Variants in NRG4 observed in about 807,000 individuals in gnomAD.
The protein encoded by NRG4 is pro-neuregulin-4, membrane-bound isoform.
NRG4 carries 10 observed loss-of-function variants against 15.0 expected under a neutral mutation model. That is an observed-to-expected ratio of 0.67 (90% confidence interval 0.41 to 1.13). The LOEUF (loss-of-function observed/expected upper bound fraction) is 1.13, where lower values mean the gene tolerates loss of function less well. Ranked by LOEUF, NRG4 falls within the 50% of genes most tolerant of loss-of-function variation. NRG4 has a pLI of 0.00. For missense variants in NRG4, 139 were observed against 140.2 expected (o/e 0.99, Z 0.04); for synonymous variants, 41 against 50.1 (o/e 0.82, Z 0.77).
intron 2 of NRG4, among the ~76,000 whole-genome samples, chr15:76,054,687 T>C (rs1453918259): frequency 6.6e-6 from 1 of 152,170 alleles, no homozygotes; most frequent in Non-Finnish European, 1.5e-5. Flanking sequence ...TCTTCCTCTA[T>C]GTGATAAAAT....
chr15:76,000,597 A>C (rs1322637796), intron 3 of NRG4, among the ~76,000 whole-genome samples: 1 of 152,244 alleles, frequency 6.6e-6, no homozygotes, highest in African/African-American at 2.4e-5. Context: ...TATGGATAGC[A>C]ATTTGGCAAC....
At chr15:76,054,518 G>A (rs1596068877) in intron 2 of NRG4, among the ~76,000 whole-genome samples, 1 of 152,066 alleles carries the variant, frequency 6.6e-6, no homozygotes, top group Admixed American at 6.6e-5. Flanking sequence ...CGGTTCAAGC[G>A]ATTCTCTGGC....
intron 5 of NRG4, among the ~76,000 whole-genome samples, chr15:76,033,114 C>T (rs1004991117): frequency 1.2e-4 from 19 of 152,134 alleles, no homozygotes; most frequent in Admixed American, 9.8e-4. Context: ...CATTCTACTC[C>T]TAAAAGTAAA....
rs1313891414 is a variant in NRG4, at chr15:75,941,886, A to G, written c.*1752T>C. On this transcript the variant is annotated 3_prime_UTR_variant, in exon 6 of 6. Coordinates refer to ENST00000394907, the MANE Select transcript of NRG4 (RefSeq NM_138573.4). ...AATGCCTTTAAACTGTAACTTCAAA[A>G]TGGTTAAAATTTAAATCTTACGTAC... The G allele has an allele frequency of 6.9e-6, 1 of 145,792 alleles. No individual in the cohort carries two copies. Among genetic ancestry groups the G allele is most frequent in the Non-Finnish European group, 1.5e-5 (1 of 67,020 alleles). 9.0% of individuals were successfully genotyped at this position (145,792 alleles called of 1,614,324 possible).
chr15:75,943,914 G>A (rs1039051620), intron 5 of NRG4, among the ~76,000 whole-genome samples: 3 of 139,164 alleles, frequency 2.2e-5, no homozygotes, highest in South Asian at 4.6e-4. Flanking sequence ...CACACCCCCC[G>A]CCCCTCACTG....
intron 3 of NRG4, among the ~76,000 whole-genome samples, chr15:75,992,875 A>G (rs1163557351): frequency 1.3e-5 from 2 of 151,848 alleles, no homozygotes; most frequent in African/African-American, 4.8e-5. Context: ...CATTGTGTAT[A>G]TATACTACAT....
chr15:75,944,620 T>A (rs2031346042), intron 5 of NRG4, among the ~76,000 whole-genome samples: 1 of 152,220 alleles, frequency 6.6e-6, no homozygotes, highest in Non-Finnish European at 1.5e-5. Context: ...AAAAATATAA[T>A]GTACCTTTAT....
chr15:76,059,021 G>A (rs766248970), intron 1 of NRG4, among the ~76,000 whole-genome samples: 2 of 152,066 alleles, frequency 1.3e-5, no homozygotes, highest in Non-Finnish European at 2.9e-5. Context: ...CTTCTCCACC[G>A]GGGCGATGCT....
chr15:75,958,233 C>G (rs917451183), intron 4 of NRG4, among the ~76,000 whole-genome samples: 1 of 152,024 alleles, frequency 6.6e-6, no homozygotes, highest in African/African-American at 2.4e-5. Context: ...AGGATGGTCT[C>G]GATCTCCTGA....
chr15:76,001,078 T>C (rs1291528845), intron 3 of NRG4, among the ~76,000 whole-genome samples: 1 of 152,174 alleles, frequency 6.6e-6, no homozygotes, highest in Non-Finnish European at 1.5e-5. Context: ...ACTGAAGTCC[T>C]GGACTCAAGC....
In NRG4 at chr15:75,944,796, T is replaced by C. The variant is rs966994614; in HGVS notation, c.332-1142A>G. Among the ~76,000 whole-genome samples, 7 of 152,216 alleles carry C rather than the reference T, an allele frequency of 4.6e-5. No homozygotes were observed. The South Asian group carries it at 1.0e-3, about 23-fold the overall frequency. ...GGGGGTGGTTATTTGCTTATAGTTATGGTGTTGCAGTTATTGACTGAGATT... is the reference window on the plus strand; with the variant it reads ...GGGGGTGGTTATTTGCTTATAGTTACGGTGTTGCAGTTATTGACTGAGATT... On this transcript the variant is annotated intron_variant, in intron 5 of 5. Transcript: ENST00000394907.
chr15:75,984,905 T>C (rs1255087235), intron 3 of NRG4, among the ~76,000 whole-genome samples: 1 of 152,206 alleles, frequency 6.6e-6, no homozygotes, highest in Non-Finnish European at 1.5e-5. Context: ...AATGCAGTGA[T>C]GCAATCTCAG....
In NRG4 at chr15:75,954,251, GTTTTTGTT is replaced by G. The variant is rs902870604; in HGVS notation, c.331+1673_331+1680del. The stretch of plus-strand genomic sequence containing the variant: ...TGTAATCTGCTGTTAATACCATCCA[GTTTTTGTT>G]TTTTTGTTTTTTTTTTTTTGATCTC... On this transcript the variant is annotated intron_variant, in intron 5 of 5. Coordinates refer to ENST00000394907, the MANE Select transcript of NRG4 (RefSeq NM_138573.4). Among the ~76,000 whole-genome samples, 196 of 146,532 alleles carry G rather than the reference GTTTTTGTT, an allele frequency of 1.3e-3. 1 individual carries two copies. The highest frequency in any genetic ancestry group is 6.1e-4 in the Non-Finnish European group (41 of 66,858).
At chr15:75,972,978 A>C (rs1595973346) in intron 3 of NRG4, among the ~76,000 whole-genome samples, 2 of 152,070 alleles carry the variant, frequency 1.3e-5, no homozygotes, top group South Asian at 4.1e-4. Flanking sequence ...GCCATTTTCA[A>C]GATATTGATT....
chr15:76,025,440 A>G (rs1206527277), intron 5 of NRG4, among the ~76,000 whole-genome samples: 3 of 152,128 alleles, frequency 2.0e-5, no homozygotes, highest in Non-Finnish European at 4.4e-5. Flanking sequence ...CTCTGTCTCA[A>G]AAAAAAGAGA....
intron 4 of NRG4, among the ~76,000 whole-genome samples, chr15:76,038,493 A>G (rs74024073): frequency 0.037 from 5,622 of 152,288 alleles, 182 homozygotes; most frequent in African/African-American, 0.085. Flanking sequence ...TGTGGGCCTT[A>G]GGTGGTAGTG....
chr15:76,015,567 T>C (rs551041231), upstream of NRG4, among the ~76,000 whole-genome samples: 1 of 152,328 alleles, frequency 6.6e-6, no homozygotes, highest in South Asian at 2.1e-4. Flanking sequence ...GGGTATTGAC[T>C]TTTATCAAAG....
At chr15:75,971,654 ATAAG>A (rs891526791) in intron 3 of NRG4, among the ~76,000 whole-genome samples, 2 of 152,198 alleles carry the variant, frequency 1.3e-5, no homozygotes, top group Admixed American at 6.5e-5. Context: ...ACTTACAGAG[ATAAG>A]TAAGTTCTTA....
intron 3 of NRG4, among the ~76,000 whole-genome samples, chr15:75,993,424 T>C (rs1184596562): frequency 6.9e-6 from 1 of 145,400 alleles, no homozygotes; most frequent in Non-Finnish European, 1.5e-5. Flanking sequence ...AAAAAAATTC[T>C]GGCTGAGCAC....
Sources: allele counts gnomAD v4.1 joint callset (sites outside exome capture counted in the v4.1 genomes callset), GRCh38; gene constraint gnomAD v4.1.1; transcripts MANE v1.5; gene names NCBI Gene and HGNC (gene_info 2026-07-23, HGNC 2026-07-21).